Variants in SLC4A7 observed in about 807,000 individuals in gnomAD.
SLC4A7 encodes sodium bicarbonate cotransporter 3.
In SLC4A7, 51 loss-of-function variants were observed where a neutral mutation model predicts 137.6. That is an observed-to-expected ratio of 0.37 (90% CI 0.30 to 0.47). SLC4A7 has a LOEUF of 0.47. SLC4A7 is among the 20% of genes least tolerant of loss of function. The pLI is 1.00. For synonymous variants in SLC4A7, 542 were observed against 518.6 expected, an observed-to-expected ratio of 1.05 and a Z score of -0.61; for missense variants, 1,247 against 1,525.4, an observed-to-expected ratio of 0.82 and a Z score of 3.04.
intron 1 of SLC4A7, among the ~76,000 whole-genome samples, chr3:27,458,428 A>G (rs1406158043): frequency 6.6e-6 from 1 of 152,214 alleles, no homozygotes; most frequent in Non-Finnish European, 1.5e-5. Context: ...ACTGTACGTA[A>G]CAGGTGATAG....
At position 27,457,887 on chromosome 3, in the gene SLC4A7, G is replaced by C. The variant is rs1325126880; in HGVS notation, c.61-5389C>G. On this transcript the variant is annotated intron_variant, in intron 1 of 25. Transcript: ENST00000454389. Reference sequence around the variant, plus strand: ...CCTGAAAGTCTGAATTATTATCATGGGTAACAAACACTATCAGTTGTTTTT... The same window carrying C: ...CCTGAAAGTCTGAATTATTATCATGCGTAACAAACACTATCAGTTGTTTTT... Among the ~76,000 whole-genome samples, 42 of 151,984 alleles carry C rather than the reference G, an allele frequency of 2.8e-4. 1 individual carries two copies. Among genetic ancestry groups the C allele is most frequent in the Non-Finnish European group, 1.5e-5 (1 of 67,966 alleles).
At chr3:27,476,750 GTCC>G (rs1334116137) in intron 1 of SLC4A7, among the ~76,000 whole-genome samples, 2 of 152,094 alleles carry the variant, frequency 1.3e-5, no homozygotes, top group African/African-American at 4.8e-5. Context: ...TGTTTCCTGA[GTCC>G]TCCTAGCCAT....
intron 1 of SLC4A7, among the ~76,000 whole-genome samples, chr3:27,456,266 G>A (rs1181235544): frequency 6.6e-6 from 1 of 152,144 alleles, no homozygotes; most frequent in Non-Finnish European, 1.5e-5. Context: ...TATGGCTATA[G>A]CCTAAAGTAA....
chr3:27,397,735 G>A lies in SLC4A7; in HGVS notation c.2652C>T (p.Asp884=). ...TAGGAGATGGAACTCCTACAAGGTA[G>A]TCAATTGTAACCATTATTACTATTG... is the stretch of plus-strand genomic sequence containing the variant. ...FLTIVIMVTI[D]YLVGVPSPKL... The change falls in exon 18 of 26, where the codon GAC becomes GAT. Residue 884 remains aspartate (D), a synonymous_variant. Transcript: ENST00000454389. 6.2e-7 allele frequency: 1 copy of A among 1,609,980 alleles called. No individual in the cohort carries two copies. Among genetic ancestry groups the A allele is most frequent in the South Asian group, 1.1e-5 (1 of 90,206 alleles).
chr3:27,483,996 C>T lies in SLC4A7; in HGVS notation c.60+71G>A, dbSNP rs932682504. ...TGGCCGAGCCGCGACGCCCGCCGCG[C>T]CCCCCGCCTTTGTCTGCCTCGCCCC... On this transcript the variant is annotated intron_variant, in intron 1 of 25. Transcript: ENST00000454389. 9 of 1,182,148 alleles carry T rather than the reference C, an allele frequency of 7.6e-6. No homozygotes were observed. The East Asian group carries it at 3.0e-4, about 40-fold the overall frequency. 73.2% of individuals were successfully genotyped at this position (1,182,148 alleles called of 1,614,324 possible).
intron 1 of SLC4A7, among the ~76,000 whole-genome samples, chr3:27,482,248 C>A (rs1314965006): frequency 6.6e-6 from 1 of 152,142 alleles, no homozygotes; most frequent in Non-Finnish European, 1.5e-5. Flanking sequence ...AGTGTTATTA[C>A]AATGAATGAA....
chr3:27,395,287 C>A (rs2052028377), intron 18 of SLC4A7, among the ~76,000 whole-genome samples, 172 bp from the exon 19 acceptor site: 1 of 152,130 alleles, frequency 6.6e-6, no homozygotes, highest in South Asian at 2.1e-4. Flanking sequence ...TCTTCCTATC[C>A]CTATAACTAT....
intron 16 of SLC4A7, among the ~76,000 whole-genome samples, chr3:27,399,010 A>G (rs2052483778): frequency 9.2e-6 from 1 of 109,186 alleles, no homozygotes; most frequent in African/African-American, 3.4e-5. Flanking sequence ...CCTTTAGGGA[A>G]AAAAAAAAAA....
At chr3:27,478,202 GA>G (rs35022050) in intron 1 of SLC4A7, among the ~76,000 whole-genome samples, 20,266 of 147,370 alleles carry the variant, frequency 0.14, 1,365 homozygotes, top group Middle Eastern at 0.19. Flanking sequence ...GAAAAATGAG[GA>G]AAAAAAAAAA....
intron 21 of SLC4A7, among the ~76,000 whole-genome samples, chr3:27,390,815 T>G (rs1039006610): frequency 7.0e-4 from 106 of 152,118 alleles, no homozygotes; most frequent in South Asian, 4.1e-4. Flanking sequence ...ATCGTTTTTT[T>G]TGTGTGTGTT....
chr3:27,391,609 C>A, intron 21 of SLC4A7, 131 bp downstream of exon 21: 1 of 622,860 alleles, frequency 1.6e-6, no homozygotes, highest in Non-Finnish European at 2.9e-6. Context: ...TGTCTGAAGT[C>A]ATCAGTTAGA....
chr3:27,412,187 T>C (rs1479518879), intron 11 of SLC4A7, among the ~76,000 whole-genome samples: 1 of 152,180 alleles, frequency 6.6e-6, no homozygotes, highest in African/African-American at 2.4e-5. Context: ...AGTATTTCCC[T>C]TAAAAAATAA....
intron 1 of SLC4A7, among the ~76,000 whole-genome samples, chr3:27,476,867 A>G (rs929979062): frequency 6.6e-6 from 1 of 152,192 alleles, no homozygotes; most frequent in Non-Finnish European, 1.5e-5. Context: ...ACAGACTAAT[A>G]CATCATCCTA....
intron 1 of SLC4A7, among the ~76,000 whole-genome samples, chr3:27,473,274 C>T (rs939964684): frequency 5.9e-5 from 9 of 151,876 alleles, no homozygotes; most frequent in Admixed American, 2.0e-4. Flanking sequence ...ATAGCCACCA[C>T]GTTCTCGCCT....
At chr3:27,446,484 C>T (rs2057648159) in intron 3 of SLC4A7, among the ~76,000 whole-genome samples, 1 of 152,116 alleles carries the variant, frequency 6.6e-6, no homozygotes, top group African/African-American at 2.4e-5. Flanking sequence ...AGCCCCTATA[C>T]TTAACACTTT....
chr3:27,397,470 C>T (rs931097899), intron 18 of SLC4A7, among the ~76,000 whole-genome samples: 7 of 151,822 alleles, frequency 4.6e-5, no homozygotes, highest in Admixed American at 6.6e-5. Flanking sequence ...AATGGACCAG[C>T]GGTGATACTT....
At chr3:27,388,931 AG>A (rs879560941) in intron 22 of SLC4A7, among the ~76,000 whole-genome samples, 21,468 of 150,698 alleles carry the variant, frequency 0.14, 2,074 homozygotes, top group Non-Finnish European at 0.22. Context: ...CCTCTGCTCT[AG>A]ATATTCAAAT....
intron 7 of SLC4A7, among the ~76,000 whole-genome samples, chr3:27,428,835 A>AC (rs2055937674): frequency 6.6e-6 from 1 of 152,228 alleles, no homozygotes; most frequent in Non-Finnish European, 1.5e-5. Flanking sequence ...AGTATCCATC[A>AC]CATTGAGGCT....
intron 3 of SLC4A7, among the ~76,000 whole-genome samples, chr3:27,446,672 C>T (rs1298692775): frequency 6.6e-6 from 1 of 152,074 alleles, no homozygotes; most frequent in Non-Finnish European, 1.5e-5. Context: ...ATATCCTAAA[C>T]TGAATGGCTG....
Sources: allele counts gnomAD v4.1 joint callset (sites outside exome capture counted in the v4.1 genomes callset), GRCh38; gene constraint gnomAD v4.1.1; transcripts MANE v1.5; gene names NCBI Gene and HGNC (gene_info 2026-07-23, HGNC 2026-07-21).